Variants in POU2F1 observed in about 807,000 individuals in gnomAD.
POU2F1 encodes the protein POU class 2 homeobox 1.
In POU2F1, 16 loss-of-function variants were observed where a neutral mutation model predicts 84.9. The observed-to-expected ratio is 0.19, with a 90% CI of 0.13 to 0.29. POU2F1 has a LOEUF of 0.29. POU2F1 is among the 10% of genes least tolerant of loss of function. The pLI is 1.00. For synonymous variants in POU2F1, 368 were observed against 368.3 expected (o/e 1.00, Z 0.01); for missense variants, 738 against 942.6 (o/e 0.78, Z 2.84).
At chr1:167,300,645 AGTGGAGACGAGTTTTCACCAC>A (rs1437050817) in intron 1 of POU2F1, among the ~76,000 whole-genome samples, 1 of 151,942 alleles carries the variant, frequency 6.6e-6, no homozygotes, top group African/African-American at 2.4e-5. Flanking sequence ...TTGTATTTTT[AGTGGAGACGAGTTTTCACCAC>A]GTTGGCCAGG....
At chr1:167,258,191 T>TA (rs1651292493) in intron 1 of POU2F1, among the ~76,000 whole-genome samples, 2 of 152,196 alleles carry the variant, frequency 1.3e-5, no homozygotes, top group Non-Finnish European at 2.9e-5. Context: ...AATATGCTCT[T>TA]ACCTCTAGTT....
chr1:167,252,626 T>C (rs1255153757), intron 1 of POU2F1, among the ~76,000 whole-genome samples: 2 of 152,226 alleles, frequency 1.3e-5, no homozygotes, highest in East Asian at 1.9e-4. Flanking sequence ...TGAATAATTA[T>C]ATAGTTAAGG....
chr1:167,395,827 T>TGGC (rs1391070446), intron 9 of POU2F1, among the ~76,000 whole-genome samples: 1 of 152,154 alleles, frequency 6.6e-6, no homozygotes, highest in African/African-American at 2.4e-5. Context: ...CTGGAAATCC[T>TGGC]GGGCTCAAGC....
At chr1:167,313,075 C>G (rs1385386568) in intron 1 of POU2F1, among the ~76,000 whole-genome samples, 1 of 152,082 alleles carries the variant, frequency 6.6e-6, no homozygotes, top group East Asian at 1.9e-4. Flanking sequence ...GAATATAGCC[C>G]CATTGTTAAA....
chr1:167,313,000 G>A (rs1655610216), intron 1 of POU2F1, among the ~76,000 whole-genome samples: 1 of 152,196 alleles, frequency 6.6e-6, no homozygotes, highest in East Asian at 1.9e-4. Flanking sequence ...ATAGTAGCCT[G>A]TACCATCTAG....
intron 1 of POU2F1, among the ~76,000 whole-genome samples, chr1:167,311,695 TAAAG>T (rs1655482640): frequency 6.6e-6 from 1 of 152,100 alleles, no homozygotes; most frequent in Admixed American, 6.5e-5. Flanking sequence ...AGAAAGGATG[TAAAG>T]AAAGAAAATA....
intron 1 of POU2F1, chr1:167,329,117 T>A: frequency 7.5e-7 from 1 of 1,334,522 alleles, no homozygotes; most frequent in Non-Finnish European, 9.7e-7. Context: ...TGTATTTTGC[T>A]TTTCCCCTTA....
intron 1 of POU2F1, among the ~76,000 whole-genome samples, chr1:167,225,437 A>C (rs1346806014): frequency 2.6e-5 from 4 of 152,354 alleles, no homozygotes; most frequent in African/African-American, 9.6e-5. Flanking sequence ...ATCAATAGGT[A>C]GTATAAAGCA....
chr1:167,388,964 C>A (rs1264807978), intron 8 of POU2F1, among the ~76,000 whole-genome samples: 1 of 151,770 alleles, frequency 6.6e-6, no homozygotes, highest in African/African-American at 2.4e-5. Context: ...TCTGTTAAAA[C>A]AACGTTAAAT....
chr1:167,345,834 A>C (rs1303140150), intron 2 of POU2F1, among the ~76,000 whole-genome samples: 1 of 152,032 alleles, frequency 6.6e-6, no homozygotes, highest in Non-Finnish European at 1.5e-5. Context: ...ACAGCTGGTA[A>C]GTCATAAGAC....
intron 13 of POU2F1, among the ~76,000 whole-genome samples, chr1:167,409,016 A>G (rs1439261202): frequency 6.6e-6 from 1 of 152,152 alleles, no homozygotes; most frequent in East Asian, 1.9e-4. Flanking sequence ...TGAAGCGCAA[A>G]AGATTTTACT....
At position 167,344,083 on chromosome 1, in the gene POU2F1, A is replaced by T. The variant is rs936010858; in HGVS notation, c.127+11548A>T. Among the ~76,000 whole-genome samples the T allele has an allele frequency of 4.6e-5, 7 of 152,142 alleles. No homozygotes were observed. The East Asian group carries it at 1.3e-3, about 29-fold the overall frequency. On this transcript the variant is annotated intron_variant, in intron 2 of 15. Transcript: ENST00000367866. ...GCATGTGGCTCTTTAAATTTAAATT[A>T]AATTAAATTAAATTAAAAATTCAAT...
At chr1:167,338,190 T>C (rs146459540) in intron 2 of POU2F1, 3 of 468,428 alleles carry the variant, frequency 6.4e-6, no homozygotes, top group Middle Eastern at 3.2e-4. Context: ...CTGTTCCTCC[T>C]TCTCAGCCTA....
chr1:167,392,264 G>A (rs1002502265), intron 9 of POU2F1, among the ~76,000 whole-genome samples: 5 of 151,842 alleles, frequency 3.3e-5, no homozygotes, highest in African/African-American at 1.2e-4. Flanking sequence ...GGCAGGGACA[G>A]TGGCTTCAAC....
At chr1:167,330,171 A>T (rs1402996073) in intron 1 of POU2F1, among the ~76,000 whole-genome samples, 1 of 152,178 alleles carries the variant, frequency 6.6e-6, no homozygotes, top group Non-Finnish European at 1.5e-5. Flanking sequence ...AAGTTAAATG[A>T]TATGAACTCC....
chr1:167,412,806 A>G lies in POU2F1; in HGVS notation c.1902-220A>G, dbSNP rs537189972. Among the ~76,000 whole-genome samples, 11 of 152,346 alleles carry G rather than the reference A, an allele frequency of 7.2e-5. No individual in the cohort carries two copies. In the South Asian group the frequency reaches 2.1e-3, roughly 29 times the overall value. On this transcript the variant is annotated intron_variant, in intron 14 of 15. Coordinates refer to ENST00000367866, the MANE Select transcript of POU2F1 (RefSeq NM_002697.4). ...TTCAAAGAAGGGTCAAAATGACTAT[A>G]AAAGTTTTACATTTTGTGCTGATCA...
Position 167,426,883 on chromosome 1 carries a change from A to G in POU2F1, c.*11073A>G, listed in dbSNP as rs1019351552. On this transcript the variant is annotated 3_prime_UTR_variant, in exon 16 of 16. Transcript: ENST00000367866. Reference sequence around the variant, plus strand: ...AGATAACTCTGCACTCTGGGTGGCTATTGTGTAGCCTTACTGCCCCAGAGT... The same window carrying G: ...AGATAACTCTGCACTCTGGGTGGCTGTTGTGTAGCCTTACTGCCCCAGAGT... The G allele has an allele frequency of 6.6e-6, 1 of 152,140 alleles. No homozygotes were observed. Among genetic ancestry groups the G allele is most frequent in the African/African-American group, 2.4e-5 (1 of 41,426 alleles). The allele number at this position is 152,140 out of a possible 1,614,324, so 9.4% of individuals were successfully genotyped here. A position where few individuals can be genotyped will look rare whatever the true frequency, so the allele number is the denominator to read the frequency against.
intron 1 of POU2F1, among the ~76,000 whole-genome samples, chr1:167,248,546 G>A (rs1387938522): frequency 6.6e-6 from 1 of 152,170 alleles, no homozygotes; most frequent in Non-Finnish European, 1.5e-5. Flanking sequence ...AATCCTGTAT[G>A]CTATGGAAGT....
chr1:167,341,592 C>T (rs1472424255), intron 2 of POU2F1, among the ~76,000 whole-genome samples: 4 of 152,156 alleles, frequency 2.6e-5, no homozygotes, highest in South Asian at 2.1e-4. Flanking sequence ...GGGAAGCACA[C>T]AGACTGGCAG....
Sources: gnomAD v4.1 joint callset for allele counts (sites outside exome capture counted in the v4.1 genomes callset) on GRCh38, gnomAD v4.1.1 for gene constraint, MANE v1.5 for transcripts, NCBI Gene and HGNC (gene_info 2026-07-23, HGNC 2026-07-21) for gene names.